Variants in TRAF3IP2 observed in about 807,000 individuals in gnomAD.
TRAF3IP2 encodes the protein TRAF3 interacting protein 2.
TRAF3IP2 carries 35 observed loss-of-function variants against 57.9 expected under a neutral mutation model. The observed-to-expected ratio is 0.60, with a 90% CI of 0.46 to 0.80. The LOEUF is 0.80. Among genes scored for constraint, TRAF3IP2 ranks in the 30% least tolerant of loss-of-function variants. The pLI is 0.00. For synonymous variants in TRAF3IP2, 251 were observed against 268.9 expected (o/e 0.93, Z 0.65); for missense variants, 556 against 706.4 (o/e 0.79, Z 2.41).
intron 3 of TRAF3IP2, chr6:111,576,610 C>T (rs1178552590): frequency 1.3e-5 from 2 of 152,150 alleles, no homozygotes; most frequent in Non-Finnish European, 2.9e-5. Context: ...CCGATCCAAC[C>T]ATTGCAGTGG....
intron 2 of TRAF3IP2, among the ~76,000 whole-genome samples, chr6:111,588,235 T>A (rs1486220644): frequency 6.6e-6 from 1 of 152,182 alleles, no homozygotes; most frequent in African/African-American, 2.4e-5. Flanking sequence ...TGTGAATTAT[T>A]CCCCTCTCCT....
chr6:111,559,436 G>A lies in TRAF3IP2; in HGVS notation c.1667C>T (p.Pro556Leu). 2 of 1,614,066 alleles carry A rather than the reference G, an allele frequency of 1.2e-6. No homozygotes were observed. Among genetic ancestry groups the A allele is most frequent in the Non-Finnish European group, 1.7e-6 (2 of 1,180,032 alleles). Reference sequence around the variant, plus strand: ...GGGAACCACCTGAAGGGTGGGCAGAGGCCCCCGTGGAGGAGCCACATACTC... The same window carrying A: ...GGGAACCACCTGAAGGGTGGGCAGAAGCCCCCGTGGAGGAGCCACATACTC... ...EEEYVAPPRG[P>L]LPTLQVVPL The change falls in exon 9 of 9, where the codon CCT becomes CTT. Residue 556 changes from proline to leucine, a missense_variant. This residue lies in a region of TRAF3IP2 where 128 missense variants were observed against 207.7 expected (regional missense o/e 0.62). Transcript: ENST00000368761.
At chr6:111,588,675 G>T (rs960458436) in intron 2 of TRAF3IP2, among the ~76,000 whole-genome samples, 1 of 152,092 alleles carries the variant, frequency 6.6e-6, no homozygotes, top group Admixed American at 6.5e-5. Context: ...ACAGTTCTTC[G>T]CATTAATCTA....
chr6:111,577,577 G>C (rs1249914178), intron 3 of TRAF3IP2, among the ~76,000 whole-genome samples: 1 of 151,778 alleles, frequency 6.6e-6, no homozygotes, highest in African/African-American at 2.4e-5. Flanking sequence ...TTTTGGTAGA[G>C]ATGGGATTTC....
chr6:111,560,550 G>T (rs1052288696), intron 8 of TRAF3IP2, among the ~76,000 whole-genome samples: 9 of 152,212 alleles, frequency 5.9e-5, no homozygotes, highest in African/African-American at 2.2e-4. Context: ...GAGTACTGAG[G>T]ATGCCCAAAT....
chr6:111,590,608 C>T (rs184818127), intron 2 of TRAF3IP2, among the ~76,000 whole-genome samples: 38 of 151,916 alleles, frequency 2.5e-4, no homozygotes, highest in Admixed American at 2.3e-3. Context: ...AAGAACATCC[C>T]CAAGAGAGAG....
In TRAF3IP2 at chr6:111,580,095, G is replaced by A. The variant is rs1308280546; in HGVS notation, c.1022+102C>T. 15 of 1,371,948 alleles carry A rather than the reference G, an allele frequency of 1.1e-5. No individual in the cohort carries two copies. The East Asian group carries it at 2.5e-4, about 23-fold the overall frequency. The allele number at this position is 1,371,948 out of a possible 1,614,324, so 85.0% of individuals were successfully genotyped here. On this transcript the variant is annotated intron_variant, in intron 3 of 8. Coordinates refer to ENST00000368761, the MANE Select transcript of TRAF3IP2 (RefSeq NM_147686.4). ...TCCACTATGTGACTTGCTCACTAAC[G>A]TGGGTTAGCAAACCTATAGAGAATT...
At chr6:111,579,909 G>A (rs1055003398) in intron 3 of TRAF3IP2, among the ~76,000 whole-genome samples, 7 of 152,200 alleles carry the variant, frequency 4.6e-5, no homozygotes, top group African/African-American at 1.7e-4. Flanking sequence ...AAATTCAGAT[G>A]ATCTGAAAAT....
chr6:111,603,872 T>C (rs1796948609), intron 1 of TRAF3IP2, among the ~76,000 whole-genome samples: 1 of 152,234 alleles, frequency 6.6e-6, no homozygotes, highest in Admixed American at 6.5e-5. Flanking sequence ...ATTATCCATC[T>C]TTTGATGCTC....
chr6:111,600,292 G>C (rs572811735), intron 1 of TRAF3IP2: 1 of 152,316 alleles, frequency 6.6e-6, no homozygotes, highest in African/African-American at 2.4e-5. Flanking sequence ...AATGTATAGA[G>C]ACCATATCTT....
At chr6:111,590,068 A>G (rs528626746) in intron 2 of TRAF3IP2, among the ~76,000 whole-genome samples, 1 of 152,282 alleles carries the variant, frequency 6.6e-6, no homozygotes, top group East Asian at 1.9e-4. Flanking sequence ...CGGAGATTTA[A>G]CATCAAGAAT....
At chr6:111,601,997 A>G (rs1032900993) in intron 1 of TRAF3IP2, 1 of 152,246 alleles carries the variant, frequency 6.6e-6, no homozygotes, top group Admixed American at 6.5e-5. Context: ...ATGAACAAAT[A>G]CTTCCAAGTT....
chr6:111,597,907 C>A (rs1367783038), intron 1 of TRAF3IP2: 3 of 455,828 alleles, frequency 6.6e-6, no homozygotes, highest in African/African-American at 4.0e-5. Flanking sequence ...GAGGGCGGTG[C>A]CTGGATTGAA....
intron 2 of TRAF3IP2, among the ~76,000 whole-genome samples, chr6:111,581,097 C>G (rs1253242199): frequency 2.6e-5 from 4 of 152,208 alleles, no homozygotes; most frequent in Admixed American, 2.0e-4. Context: ...TGGGTCCCAG[C>G]CAGGACCAGG....
rs1346643455 is a variant in TRAF3IP2 at position 111,558,606 on chromosome 6, TG to T, written c.*798del. 1 of 152,212 alleles carries T rather than the reference TG, an allele frequency of 6.6e-6. No individual in the cohort carries two copies. Among genetic ancestry groups the T allele is most frequent in the East Asian group, 1.9e-4 (1 of 5,190 alleles). The allele number at this position is 152,212 out of a possible 1,614,324, so 9.4% of individuals were successfully genotyped here. A position where few individuals can be genotyped will look rare whatever the true frequency, so the allele number is the denominator to read the frequency against. ...CACCACCATGCCCGGCTAACTTTTT[TG>T]TAATTTTAGCAGAGATGGGGTTTCA... is the stretch of plus-strand genomic sequence containing the variant. On this transcript the variant is annotated 3_prime_UTR_variant, in exon 9 of 9. Transcript: ENST00000368761.
At chr6:111,584,120 G>A (rs369300982) in intron 2 of TRAF3IP2, among the ~76,000 whole-genome samples, 9 of 152,254 alleles carry the variant, frequency 5.9e-5, no homozygotes, top group African/African-American at 2.2e-4. Flanking sequence ...TCCAGAAAGC[G>A]GATGTTGGTG....
intron 1 of TRAF3IP2, among the ~76,000 whole-genome samples, chr6:111,595,001 G>T (rs920726383): frequency 6.6e-6 from 1 of 152,236 alleles, no homozygotes; most frequent in African/African-American, 2.4e-5. Context: ...GAAGGCCAAG[G>T]TGGGTGGATC....
At chr6:111,572,872 A>G in intron 5 of TRAF3IP2, 23 bp downstream of exon 5, 1 of 1,587,018 alleles carries the variant, frequency 6.3e-7, no homozygotes. Flanking sequence ...CTGTTCAGTT[A>G]TCTATTTGGA....
At chr6:111,565,482 G>A (rs941054009) in intron 7 of TRAF3IP2, among the ~76,000 whole-genome samples, 4 of 152,136 alleles carry the variant, frequency 2.6e-5, no homozygotes, top group African/African-American at 9.7e-5. Context: ...GAGAAGTACA[G>A]ACCAGCTCTG....
Sources: gnomAD v4.1 joint callset for allele counts (sites outside exome capture counted in the v4.1 genomes callset) on GRCh38, gnomAD v4.1.1 for gene constraint, gnomAD v4.1.1 regional missense constraint, MANE v1.5 for transcripts, NCBI Gene and HGNC (gene_info 2026-07-23, HGNC 2026-07-21) for gene names.